Variants in SEPHS1 observed in about 807,000 individuals in gnomAD.
SEPHS1 encodes the protein zincore component SEPHS1.
A neutral mutation model predicts 39.2 loss-of-function variants in SEPHS1; 7 were observed. The ratio of observed to expected loss-of-function variants is 0.18; its 90% CI spans 0.10 to 0.34. The LOEUF is 0.34. SEPHS1 is among the 10% of genes least tolerant of loss of function. The pLI is 1.00. For synonymous variants in SEPHS1, 190 were observed against 195.5 expected (o/e 0.97, Z 0.23); for missense variants, 253 against 514.5 (o/e 0.49, Z 4.92).
intron 7 of SEPHS1, among the ~76,000 whole-genome samples, chr10:13,323,437 C>T (rs1273717284): frequency 6.6e-6 from 1 of 152,096 alleles, no homozygotes; most frequent in Non-Finnish European, 1.5e-5. Flanking sequence ...TCACTGCAAC[C>T]TCTGCCTCCA....
intron 7 of SEPHS1, among the ~76,000 whole-genome samples, chr10:13,323,401 C>A (rs1833170649): frequency 6.6e-6 from 1 of 152,118 alleles, no homozygotes; most frequent in Non-Finnish European, 1.5e-5. Context: ...GTCATCCAGG[C>A]TGGGGTGCAG....
At position 13,322,923 on chromosome 10, in the gene SEPHS1, G is replaced by A; in HGVS notation, c.876C>T (p.Asn292=). 3 of 1,614,016 alleles carry A rather than the reference G, an allele frequency of 1.9e-6. No individual in the cohort carries two copies. The highest frequency in any genetic ancestry group is 1.7e-6 in the Non-Finnish European group (2 of 1,179,908). ...CAGCCATCTTGGCCAGCACCGGGAGGTTGTGAATTACAAACGACACCTCGT... is the reference window on the plus strand; with the variant it reads ...CAGCCATCTTGGCCAGCACCGGGAGATTGTGAATTACAAACGACACCTCGT... The part of the protein sequence containing the change: ...QRNEVSFVIH[N]LPVLAKMAAV... The change falls in exon 8 of 9, where the codon AAC becomes AAT. Residue 292 remains asparagine, a synonymous_variant. Transcript: ENST00000327347.
At chr10:13,343,872 C>T (rs1263407645) in intron 2 of SEPHS1, among the ~76,000 whole-genome samples, 7 of 152,088 alleles carry the variant, frequency 4.6e-5, no homozygotes, top group African/African-American at 1.4e-4. Context: ...TCCAAACCTC[C>T]GAAACTATGC....
intron 2 of SEPHS1, 141 bp from the exon 3 acceptor site, chr10:13,338,949 C>A: frequency 1.5e-6 from 1 of 672,046 alleles, no homozygotes; most frequent in South Asian, 1.7e-5. Flanking sequence ...TGTTTCCTAT[C>A]AAGAAGCGTA....
At position 13,319,114 on chromosome 10, in the gene SEPHS1, C is replaced by G. The variant is rs756686391; in HGVS notation, c.*28G>C. ...TAAGGGAAATAGATCTATTTAAAAA[C>G]AAAACCAAACAGCTATTTCTGTCTA... On this transcript the variant is annotated 3_prime_UTR_variant, in exon 9 of 9. Transcript: ENST00000327347. 14 of 1,602,956 alleles carry G rather than the reference C, an allele frequency of 8.7e-6. No homozygotes were observed. The Admixed American group carries it at 2.4e-4, about 28-fold the overall frequency.
chr10:13,330,221 C>A (rs1833423994), intron 5 of SEPHS1, among the ~76,000 whole-genome samples: 1 of 152,150 alleles, frequency 6.6e-6, no homozygotes, highest in South Asian at 2.1e-4. Context: ...TCACTACAGA[C>A]CCACTAGCAT....
At chr10:13,347,842 C>T (rs1181224407) in intron 1 of SEPHS1, among the ~76,000 whole-genome samples, 158 bp downstream of exon 1, 6 of 144,772 alleles carry the variant, frequency 4.1e-5, no homozygotes, top group African/African-American at 7.5e-5. Context: ...AAGCCCGGCG[C>T]TGCCCCTCTC....
chr10:13,340,734 T>C (rs550153916), intron 2 of SEPHS1: 27 of 152,366 alleles, frequency 1.8e-4, no homozygotes, highest in African/African-American at 6.0e-4. Context: ...AGCAAGTCCT[T>C]TGATCAGAGT....
intron 5 of SEPHS1, among the ~76,000 whole-genome samples, chr10:13,330,252 G>A (rs940761373): frequency 9.9e-5 from 15 of 152,150 alleles, no homozygotes; most frequent in Middle Eastern, 3.2e-3. Flanking sequence ...CTGAAACAGA[G>A]AGTGCTTCTT....
chr10:13,345,176 G>C lies in SEPHS1; in HGVS notation c.-78-148C>G, dbSNP rs190803822. The C allele has an allele frequency of 3.4e-4, 133 of 388,500 alleles. 2 individuals carry two copies. The South Asian group carries it at 9.8e-3, about 29-fold the overall frequency. The allele number at this position is 388,500 out of a possible 1,614,324, so 24.1% of individuals were successfully genotyped here. On this transcript the variant is annotated intron_variant, in intron 1 of 8. Coordinates refer to ENST00000327347, the MANE Select transcript of SEPHS1 (RefSeq NM_012247.5). Reference sequence around the variant, plus strand: ...TTATATTCACCACAGCAGTGCATATGACAAAATAGATCTTTTCATAACGGG... The same window carrying C: ...TTATATTCACCACAGCAGTGCATATCACAAAATAGATCTTTTCATAACGGG...
chr10:13,344,715 C>A, intron 2 of SEPHS1, 43 bp downstream of exon 2: 2 of 1,328,202 alleles, frequency 1.5e-6, no homozygotes, highest in Non-Finnish European at 2.0e-6. Flanking sequence ...TTTTGACTCA[C>A]TGATTGGATC....
intron 5 of SEPHS1, 34 bp downstream of exon 5, chr10:13,333,783 C>T (rs536628752): frequency 6.2e-7 from 1 of 1,605,240 alleles, no homozygotes; most frequent in African/African-American, 1.3e-5. Context: ...GAGAGAAAAA[C>T]AGGTCAGGTG....
rs80191061 is a variant in SEPHS1, at chr10:13,337,812, A to G, written c.297+893T>C. Among the ~76,000 whole-genome samples, 700 of 152,262 alleles carry G rather than the reference A, an allele frequency of 4.6e-3. 2 individuals are homozygous for G. The highest frequency in any genetic ancestry group is 0.016 in the African/African-American group (647 of 41,546). On this transcript the variant is annotated intron_variant, in intron 3 of 8. Coordinates refer to ENST00000327347, the MANE Select transcript of SEPHS1 (RefSeq NM_012247.5). The stretch of plus-strand genomic sequence containing the variant: ...AGTCTCAAGAGTATTGCTCCAGAGG[A>G]GAAAACGGACAGATGTGCGGAAGAA...
chr10:13,325,765 C>T (rs1176124940), intron 7 of SEPHS1, among the ~76,000 whole-genome samples: 6 of 151,674 alleles, frequency 4.0e-5, no homozygotes, highest in South Asian at 2.1e-4. Context: ...GGTGTGGTGG[C>T]GTGCGCCCTG....
chr10:13,321,034 C>T (rs893653029), intron 8 of SEPHS1, among the ~76,000 whole-genome samples: 3 of 152,120 alleles, frequency 2.0e-5, no homozygotes, highest in Non-Finnish European at 4.4e-5. Flanking sequence ...GAGGCTGAAG[C>T]GTCCTCTATA....
chr10:13,318,216 T>A lies in SEPHS1; in HGVS notation c.*926A>T, dbSNP rs1832998750. 2 of 152,592 alleles carry A rather than the reference T, an allele frequency of 1.3e-5. No individual in the cohort carries two copies. Among genetic ancestry groups the A allele is most frequent in the African/African-American group, 4.8e-5 (2 of 41,442 alleles). The allele number at this position is 152,592 out of a possible 1,614,324, so 9.5% of individuals were successfully genotyped here. A position where few individuals can be genotyped will look rare whatever the true frequency, so the allele number is the denominator to read the frequency against. ...CAAAGGACAAAATAATGCTAAGAAT[T>A]AGGCCAAACAGCTGCTGATTTTAAG... On this transcript the variant is annotated 3_prime_UTR_variant, in exon 9 of 9. Coordinates refer to ENST00000327347, the MANE Select transcript of SEPHS1 (RefSeq NM_012247.5).
At chr10:13,333,596 A>G (rs530019677) in intron 5 of SEPHS1, among the ~76,000 whole-genome samples, 1 of 150,934 alleles carries the variant, frequency 6.6e-6, no homozygotes, top group East Asian at 2.0e-4. Flanking sequence ...TTGCCCCACC[A>G]TGCCTGGCTA....
At chr10:13,320,274 C>T (rs540890284) in intron 8 of SEPHS1, among the ~76,000 whole-genome samples, 6 of 151,490 alleles carry the variant, frequency 4.0e-5, no homozygotes, top group African/African-American at 9.7e-5. Flanking sequence ...CTCCACCTCC[C>T]GGGTTCACAC....
chr10:13,336,187 C>T lies in SEPHS1; in HGVS notation c.405+56G>A, dbSNP rs1444592639. 5.5e-6 allele frequency: 7 copies of T among 1,261,826 alleles called. No homozygotes were observed. In the East Asian group the frequency reaches 1.4e-4, roughly 25 times the overall value. 78.2% of individuals were successfully genotyped at this position (1,261,826 alleles called of 1,614,324 possible). A position where few individuals can be genotyped will look rare whatever the true frequency, so the allele number is the denominator to read the frequency against. ...ATGGGAAACCAAGTCTAACCAAGGC[C>T]AGAGATGCCACCGGGACAACACGGA... On this transcript the variant is annotated intron_variant, in intron 4 of 8. Transcript: ENST00000327347.
Sources: allele counts gnomAD v4.1 joint callset (sites outside exome capture counted in the v4.1 genomes callset), GRCh38; gene constraint gnomAD v4.1.1; transcripts MANE v1.5; gene names NCBI Gene and HGNC (gene_info 2026-07-23, HGNC 2026-07-21).